The following CYP3A43 variants were observed in gnomAD, a reference collection of about 807,000 sequenced individuals.
The protein encoded by CYP3A43 is cytochrome P450 3A43.
Under a neutral mutation model 58.0 loss-of-function variants are expected in CYP3A43, and 45 were observed. That is an observed-to-expected ratio of 0.78 (90% CI 0.61 to 0.99). CYP3A43 has a LOEUF of 0.99. CYP3A43 is among the 50% of genes least tolerant of loss of function. The pLI is 0.00. For missense variants in CYP3A43, 593 were observed against 591.9 expected, an observed-to-expected ratio of 1.00 and a Z score of -0.02; for synonymous variants, 191 against 201.4, an observed-to-expected ratio of 0.95 and a Z score of 0.44.
At chr7:99,851,479 T>C (rs1293665832) in intron 7 of CYP3A43, among the ~76,000 whole-genome samples, 1 of 152,136 alleles carries the variant, frequency 6.6e-6, no homozygotes, top group Non-Finnish European at 1.5e-5. Flanking sequence ...CTCATTTGTT[T>C]ATAGACACCT....
chr7:99,854,523 C>T (rs766299688), intron 7 of CYP3A43, among the ~76,000 whole-genome samples: 4 of 152,068 alleles, frequency 2.6e-5, no homozygotes, highest in Non-Finnish European at 5.9e-5. Flanking sequence ...TTTCAAGGAA[C>T]CAATTTTTGG....
In CYP3A43 at chr7:99,829,414, G is replaced by A. The variant is rs1816751406; in HGVS notation, c.71+1228G>A. On this transcript the variant is annotated intron_variant, in intron 1 of 12. Transcript: ENST00000354829. Reference sequence around the variant, plus strand: ...AGCTTGGTTTTATTCTTTTAGGGAGGCATGAGATATCAAATACATTTAAGA... The same window carrying A: ...AGCTTGGTTTTATTCTTTTAGGGAGACATGAGATATCAAATACATTTAAGA... 5.3e-5 allele frequency among the ~76,000 whole-genome samples: 8 copies of A among 152,300 alleles called. No individual in the cohort carries two copies. The South Asian group carries it at 1.7e-3, about 32-fold the overall frequency.
In CYP3A43 at chr7:99,848,250, A is replaced by T; in HGVS notation, c.517A>T (p.Lys173Ter). The change falls in exon 6 of 13, where the codon AAA (lysine) becomes TAA (stop). Residue 173 changes from lysine (K) to a stop codon, truncating the protein, a stop_gained. Coordinates refer to ENST00000354829, the MANE Select transcript of CYP3A43 (RefSeq NM_057095.3). LOFTEE classifies it high-confidence loss of function. Reference sequence around the variant, plus strand: ...AGAGAACAGCAAGTCCATCAACTTGAAAGAGTAAGTAGCACAGTCTTGAGG... The same window carrying T: ...AGAGAACAGCAAGTCCATCAACTTGTAAGAGTAAGTAGCACAGTCTTGAGG... ...EAENSKSINLKDFFGAYTMDV... is the reference protein window; with the variant it reads ...EAENSKSINL The T allele has an allele frequency of 6.2e-7, 1 of 1,614,038 alleles. No individual in the cohort carries two copies. Among genetic ancestry groups the T allele is most frequent in the Non-Finnish European group, 8.5e-7 (1 of 1,179,966 alleles).
intron 5 of CYP3A43, 190 bp from the exon 6 acceptor site, chr7:99,847,976 A>G: frequency 1.6e-6 from 1 of 620,452 alleles, no homozygotes; most frequent in Non-Finnish European, 2.8e-6. Flanking sequence ...GCGCCGTTGC[A>G]CTCCAGCCTG....
chr7:99,834,425 A>G (rs1037033881), intron 1 of CYP3A43, among the ~76,000 whole-genome samples: 2 of 151,974 alleles, frequency 1.3e-5, no homozygotes, highest in African/African-American at 2.4e-5. Context: ...TTTTATTTTC[A>G]TCATAAACTG....
chr7:99,861,981 C>G (rs1486537440), intron 11 of CYP3A43, 142 bp downstream of exon 11: 1 of 690,300 alleles, frequency 1.4e-6, no homozygotes, highest in Non-Finnish European at 2.4e-6. Flanking sequence ...AACTGTTAAA[C>G]TTTACAAACC....
intron 4 of CYP3A43, 119 bp downstream of exon 4, chr7:99,844,361 A>T (rs929283249): frequency 1.1e-6 from 1 of 884,164 alleles, no homozygotes; most frequent in African/African-American, 1.7e-5. Context: ...TATTTCCCCC[A>T]ATGGTGATGT....
Position 99,865,988 on chromosome 7 carries a change from C to T in CYP3A43, c.1499C>T (p.Thr500Ile), listed in dbSNP as rs1280770926. The change falls in exon 13 of 13, where the codon ACA becomes ATA. Residue 500 changes from threonine (T) to isoleucine (I), a missense_variant. Transcript: ENST00000354829. ...AAAGTGCACTTAAGAGATGGGATTACAAGTGGACCCTGACTTTCCCTAAGG... is the reference window on the plus strand; with the variant it reads ...AAAGTGCACTTAAGAGATGGGATTATAAGTGGACCCTGACTTTCCCTAAGG... ...VLKVHLRDGI[T>I]SGP 2.5e-6 allele frequency: 4 copies of T among 1,600,344 alleles called. No individual in the cohort carries two copies. Among genetic ancestry groups the T allele is most frequent in the Non-Finnish European group, 2.6e-6 (3 of 1,172,952 alleles).
At chr7:99,854,497 G>A (rs139494280) in intron 7 of CYP3A43, among the ~76,000 whole-genome samples, 104 of 152,078 alleles carry the variant, frequency 6.8e-4, no homozygotes, top group Admixed American at 3.6e-3. Flanking sequence ...GAGCCACCGC[G>A]CCCGGCTGAT....
At chr7:99,839,622 C>T (rs940385518) in intron 3 of CYP3A43, among the ~76,000 whole-genome samples, 3 of 152,088 alleles carry the variant, frequency 2.0e-5, no homozygotes, top group Admixed American at 6.5e-5. Flanking sequence ...TATAGGGGGT[C>T]TCCCTATAGT....
In CYP3A43 at chr7:99,836,605, C is replaced by T. The variant is rs1817091788; in HGVS notation, c.165+59C>T. 4 of 1,312,466 alleles carry T rather than the reference C, an allele frequency of 3.0e-6. No homozygotes were observed. In the African/African-American group the frequency reaches 6.0e-5, roughly 20 times the overall value. The allele number at this position is 1,312,466 out of a possible 1,614,324, so 81.3% of individuals were successfully genotyped here. Reference sequence around the variant, plus strand: ...TATCGATGCAAACCCAAGCTTAGTCCTATCAGTAAAAATGCTCCTCCTCAG... The same window carrying T: ...TATCGATGCAAACCCAAGCTTAGTCTTATCAGTAAAAATGCTCCTCCTCAG... On this transcript the variant is annotated intron_variant, in intron 2 of 12. Transcript: ENST00000354829.
In CYP3A43 at chr7:99,855,601, A is replaced by G. The variant is rs372572438; in HGVS notation, c.681A>G (p.Pro227=). ...DPFLLLISLF[P]FLTPVFEALN... The stretch of plus-strand genomic sequence containing the variant: ...TTAATTTTCCTATAGCACTCTTTCC[A>G]TTTCTTACCCCAGTTTTTGAAGCCC... The change falls in exon 8 of 13, where the codon CCA becomes CCG. Residue 227 remains proline, a synonymous_variant. Coordinates refer to ENST00000354829, the MANE Select transcript of CYP3A43 (RefSeq NM_057095.3). 7 of 1,608,870 alleles carry G rather than the reference A, an allele frequency of 4.4e-6. No homozygotes were observed. In the East Asian group the frequency reaches 6.7e-5, roughly 15 times the overall value.
chr7:99,828,973 A>C (rs1476195004), intron 1 of CYP3A43, among the ~76,000 whole-genome samples: 1 of 152,222 alleles, frequency 6.6e-6, no homozygotes, highest in South Asian at 2.1e-4. Context: ...CCACAATAAA[A>C]TAACCTTTGT....
chr7:99,837,029 G>A (rs887880330), intron 2 of CYP3A43, among the ~76,000 whole-genome samples: 7 of 151,996 alleles, frequency 4.6e-5, no homozygotes, highest in African/African-American at 1.7e-4. Flanking sequence ...TCATTGGCTG[G>A]GCGCGGTGGC....
chr7:99,831,406 CCT>C (rs1479222526), intron 1 of CYP3A43, among the ~76,000 whole-genome samples: 4 of 152,178 alleles, frequency 2.6e-5, no homozygotes, highest in Non-Finnish European at 1.5e-5. Flanking sequence ...TTTTGGAAGA[CCT>C]CTCTTTCAGC....
rs770261074 is a variant in CYP3A43, at chr7:99,859,810, T to C, written c.866-20T>C. 6.2e-7 allele frequency: 1 copy of C among 1,614,048 alleles called. No individual in the cohort carries two copies. The highest frequency in any genetic ancestry group is 8.5e-7 in the Non-Finnish European group (1 of 1,179,970). ...TCTACACTAACCACTTTTCCTAAAA[T>C]ATATTTCCTCTCCTTTCAGCTCTGT... On this transcript the variant is annotated intron_variant, in intron 9 of 12. Coordinates refer to ENST00000354829, the MANE Select transcript of CYP3A43 (RefSeq NM_057095.3).
At chr7:99,838,051 A>G (rs193014159) in intron 2 of CYP3A43, among the ~76,000 whole-genome samples, 4 of 152,332 alleles carry the variant, frequency 2.6e-5, no homozygotes, top group African/African-American at 7.2e-5. Context: ...CCTTTAGTAA[A>G]TCCACATGTC....
At chr7:99,852,881 A>G (rs1304790454) in intron 7 of CYP3A43, among the ~76,000 whole-genome samples, 1 of 152,180 alleles carries the variant, frequency 6.6e-6, no homozygotes, top group African/African-American at 2.4e-5. Flanking sequence ...TACTGAGACG[A>G]TTGTGTGTTT....
chr7:99,833,699 G>A (rs989600402), intron 1 of CYP3A43, among the ~76,000 whole-genome samples: 1 of 152,192 alleles, frequency 6.6e-6, no homozygotes, highest in Admixed American at 6.5e-5. Context: ...CAACAGAAGT[G>A]TTAATAGAAA....
Sources: gnomAD v4.1 joint callset for allele counts (sites outside exome capture counted in the v4.1 genomes callset) on GRCh38, gnomAD v4.1.1 for gene constraint, MANE v1.5 for transcripts, NCBI Gene and HGNC (gene_info 2026-07-23, HGNC 2026-07-21) for gene names.